Variants in DYNC2I2 observed in about 807,000 individuals in gnomAD.
DYNC2I2 encodes dynein 2 intermediate chain 2.
A neutral mutation model predicts 52.0 loss-of-function variants in DYNC2I2; 39 were observed. The ratio of observed to expected loss-of-function variants is 0.75; its 90% CI spans 0.58 to 0.98. The LOEUF is 0.98. Ranked by LOEUF, DYNC2I2 falls within the 50% of genes least tolerant of loss-of-function variation. The probability of loss-of-function intolerance (pLI) is 0.00; values close to 1 mark genes in which losing one functional copy is unlikely to be tolerated. For missense variants in DYNC2I2, 743 were observed against 728.4 expected, an observed-to-expected ratio of 1.02 and a Z score of -0.23; for synonymous variants, 359 against 321.1, an observed-to-expected ratio of 1.12 and a Z score of -1.26.
At chr9:128,673,804 C>CT in the DYNC2I2 span, among the ~76,000 whole-genome samples, 930 of 141,634 alleles carry the variant, frequency 6.6e-3, 10 homozygotes, top group East Asian at 0.025. Flanking sequence ...CCGCACCCAG[C>CT]TATTTTTTTT....
At position 128,642,730 on chromosome 9, in the gene DYNC2I2, G is replaced by A. The variant is rs540405484; in HGVS notation, c.187-1791C>T. Among the ~76,000 whole-genome samples, 5 of 152,204 alleles carry A rather than the reference G, an allele frequency of 3.3e-5. No individual in the cohort carries two copies. In the East Asian group the frequency reaches 5.8e-4, roughly 18 times the overall value. Reference sequence around the variant, plus strand: ...AGATTGTGCCACTGCACTCCAGCCCGGGTGACAGAGCGAGACTCCATTTCA... The same window carrying A: ...AGATTGTGCCACTGCACTCCAGCCCAGGTGACAGAGCGAGACTCCATTTCA... On this transcript the variant is annotated intron_variant, in intron 1 of 8. Coordinates refer to ENST00000372715, the MANE Select transcript of DYNC2I2 (RefSeq NM_052844.4).
chr9:128,677,951 A>G, the DYNC2I2 span, among the ~76,000 whole-genome samples: 23 of 152,294 alleles, frequency 1.5e-4, no homozygotes, highest in African/African-American at 4.8e-4. Context: ...CAGCTGTGTT[A>G]GAGGTATACT....
chr9:128,638,402 A>G (rs1860453061), intron 2 of DYNC2I2, among the ~76,000 whole-genome samples: 1 of 152,102 alleles, frequency 6.6e-6, no homozygotes, highest in Non-Finnish European at 1.5e-5. Context: ...CTGTGGTCCC[A>G]GCTACTCAGG....
At chr9:128,657,926 C>CA (rs890166922), upstream of DYNC2I2, among the ~76,000 whole-genome samples, 5 of 151,420 alleles carry the variant, frequency 3.3e-5, no homozygotes, top group African/African-American at 9.7e-5. Context: ...TCCCTCTCTA[C>CA]AAAAAAAAAT....
At chr9:128,661,159 T>A (rs938939287), upstream of DYNC2I2, among the ~76,000 whole-genome samples, 9 of 150,300 alleles carry the variant, frequency 6.0e-5, no homozygotes, top group Non-Finnish European at 4.4e-5. Flanking sequence ...CTGATGAACA[T>A]GGTGAAACCC....
At chr9:128,664,869 T>A in the DYNC2I2 span, among the ~76,000 whole-genome samples, 1 of 151,192 alleles carries the variant, frequency 6.6e-6, no homozygotes, top group Admixed American at 6.6e-5. Context: ...ACACCTGTAA[T>A]CCCAGCACTT....
At chr9:128,661,047 G>A (rs1250856769), upstream of DYNC2I2, among the ~76,000 whole-genome samples, 1 of 151,960 alleles carries the variant, frequency 6.6e-6, no homozygotes, top group Non-Finnish European at 1.5e-5. Flanking sequence ...TTAATAATGA[G>A]GTTGTTGTGT....
At chr9:128,683,799 G>C in the DYNC2I2 span, 1 of 1,094,444 alleles carries the variant, frequency 9.1e-7, no homozygotes, top group African/African-American at 1.6e-5. Flanking sequence ...CTCCAGTGCA[G>C]ATTTAAGCCG....
intron 1 of DYNC2I2, among the ~76,000 whole-genome samples, chr9:128,654,001 A>G (rs189406882): frequency 1.1e-4 from 16 of 152,318 alleles, no homozygotes; most frequent in Non-Finnish European, 2.1e-4. Context: ...GCAAAGCCAG[A>G]CTCCATCTCA....
At chr9:128,669,317 A>G in the DYNC2I2 span, among the ~76,000 whole-genome samples, 1 of 152,072 alleles carries the variant, frequency 6.6e-6, no homozygotes, top group Non-Finnish European at 1.5e-5. Flanking sequence ...GTGAGCCGAG[A>G]TTGCGCCACT....
intron 1 of DYNC2I2, among the ~76,000 whole-genome samples, chr9:128,655,511 CAAA>C (rs34804977): frequency 1.3e-4 from 16 of 119,822 alleles, no homozygotes; most frequent in Admixed American, 2.6e-4. Flanking sequence ...ACTCCGTCTC[CAAA>C]AAAAAAAAAA....
At chr9:128,660,080 AC>A (rs1860900308), upstream of DYNC2I2, among the ~76,000 whole-genome samples, 1 of 149,714 alleles carries the variant, frequency 6.7e-6, no homozygotes, top group Non-Finnish European at 1.5e-5. Flanking sequence ...AAAAAAAAAA[AC>A]CCTCAAAACT....
the DYNC2I2 span, among the ~76,000 whole-genome samples, chr9:128,666,635 T>C: frequency 6.6e-6 from 1 of 151,498 alleles, no homozygotes; most frequent in Non-Finnish European, 1.5e-5. Flanking sequence ...GGTCAGTGCC[T>C]ATAATCCCAG....
the DYNC2I2 span, chr9:128,683,985 T>C: frequency 1.2e-5 from 19 of 1,555,040 alleles, no homozygotes; most frequent in Non-Finnish European, 1.6e-5. Flanking sequence ...CATCGGCCTC[T>C]GCAGGCTTGC....
chr9:128,678,287 C>T, the DYNC2I2 span, among the ~76,000 whole-genome samples: 1 of 151,170 alleles, frequency 6.6e-6, no homozygotes, highest in Non-Finnish European at 1.5e-5. Context: ...AGGCTGGTCT[C>T]GAACTCCTGA....
chr9:128,638,320 C>T (rs1860451750), intron 2 of DYNC2I2, among the ~76,000 whole-genome samples: 1 of 151,826 alleles, frequency 6.6e-6, no homozygotes, highest in African/African-American at 2.4e-5. Context: ...AGTTCAAGAC[C>T]ATCCTGGCCA....
chr9:128,643,547 C>T (rs1303342663), intron 1 of DYNC2I2, among the ~76,000 whole-genome samples: 1 of 150,028 alleles, frequency 6.7e-6, no homozygotes, highest in Non-Finnish European at 1.5e-5. Flanking sequence ...AAAAAAATTG[C>T]CAGGCATGAC....
At chr9:128,635,440 T>C in intron 5 of DYNC2I2, 181 bp from the exon 6 acceptor site, 1 of 840,478 alleles carries the variant, frequency 1.2e-6, no homozygotes, top group South Asian at 1.8e-5. Flanking sequence ...AGTCCCAGAA[T>C]CCCAGCGCTG....
intron 1 of DYNC2I2, among the ~76,000 whole-genome samples, chr9:128,643,305 T>A (rs1157475320): frequency 6.6e-6 from 1 of 152,032 alleles, no homozygotes; most frequent in Non-Finnish European, 1.5e-5. Context: ...GGCGGGTTGA[T>A]CATGAGGTCA....
Sources: allele counts gnomAD v4.1 joint callset (sites outside exome capture counted in the v4.1 genomes callset), GRCh38; gene constraint gnomAD v4.1.1; transcripts MANE v1.5; gene names NCBI Gene and HGNC (gene_info 2026-07-23, HGNC 2026-07-21).